The following MSRB2 variants were observed in gnomAD, a reference collection of about 807,000 sequenced individuals.
MSRB2 encodes methionine sulfoxide reductase B2.
Under a neutral mutation model 19.0 loss-of-function variants are expected in MSRB2, and 17 were observed. The observed-to-expected ratio is 0.89, with a 90% CI of 0.61 to 1.34. MSRB2 has a LOEUF of 1.34. Ranked by LOEUF, MSRB2 falls within the 40% of genes most tolerant of loss-of-function variation. The pLI is 0.00. For synonymous variants in MSRB2, 107 were observed against 99.7 expected (o/e 1.07, Z -0.44); for missense variants, 208 against 237.6 (o/e 0.88, Z 0.82).
At chr10:23,117,577 C>A (rs1840125514) in intron 3 of MSRB2, among the ~76,000 whole-genome samples, 1 of 152,150 alleles carries the variant, frequency 6.6e-6, no homozygotes, top group Admixed American at 6.5e-5. Context: ...CATCTCTACT[C>A]TGAAAATTCG....
rs78405793 is a variant in MSRB2, at chr10:23,103,281, G to A, written c.119-863G>A. 3.1e-3 allele frequency among the ~76,000 whole-genome samples: 473 copies of A among 152,188 alleles called. 10 individuals carry two copies. In the East Asian group the frequency reaches 0.057, roughly 18 times the overall value. On this transcript the variant is annotated intron_variant, in intron 1 of 4. Transcript: ENST00000376510. ...TTTGATATATAGGTGCTGGCATCAC[G>A]GGCATTCAACGTTTCATCTTCAGTG...
At chr10:23,120,312 C>T (rs1840167580) in intron 4 of MSRB2, among the ~76,000 whole-genome samples, 1 of 152,180 alleles carries the variant, frequency 6.6e-6, no homozygotes, top group South Asian at 2.1e-4. Context: ...TTTTCTGACT[C>T]ATGGGTTTTG....
At chr10:23,119,578 G>T in intron 4 of MSRB2, 127 bp downstream of exon 4, 4 of 1,162,716 alleles carry the variant, frequency 3.4e-6, no homozygotes, top group African/African-American at 1.5e-5. Flanking sequence ...AACACATGGG[G>T]TTTCTTTTTT....
chr10:23,119,103 C>G lies in MSRB2; in HGVS notation c.297-201C>G, dbSNP rs148280007. Reference sequence around the variant, plus strand: ...GCATCAAAGGATCAAGAAGTCCTTCCACTTCGAGAGGCAATGGCTTCGATA... The same window carrying G: ...GCATCAAAGGATCAAGAAGTCCTTCGACTTCGAGAGGCAATGGCTTCGATA... On this transcript the variant is annotated intron_variant, in intron 3 of 4. Coordinates refer to ENST00000376510, the MANE Select transcript of MSRB2 (RefSeq NM_012228.4). The G allele has an allele frequency of 2.3e-5, 16 of 691,556 alleles. No homozygotes were observed. The African/African-American group carries it at 2.8e-4, about 12-fold the overall frequency. The allele number at this position is 691,556 out of a possible 1,614,324, so 42.8% of individuals were successfully genotyped here.
At chr10:23,112,883 C>T (rs1024166979) in intron 3 of MSRB2, among the ~76,000 whole-genome samples, 3 of 152,146 alleles carry the variant, frequency 2.0e-5, no homozygotes, top group South Asian at 4.1e-4. Context: ...CGCACCCGGG[C>T]GTAATGATGT....
At chr10:23,119,599 G>A (rs999709209) in intron 4 of MSRB2, 148 bp downstream of exon 4, 51 of 888,136 alleles carry the variant, frequency 5.7e-5, no homozygotes, top group Non-Finnish European at 7.6e-5. Context: ...GTTTTGCTTT[G>A]TTTTGTTTTG....
At chr10:23,105,983 T>G (rs1036816913) in intron 2 of MSRB2, among the ~76,000 whole-genome samples, 1 of 152,192 alleles carries the variant, frequency 6.6e-6, no homozygotes, top group African/African-American at 2.4e-5. Flanking sequence ...TGTGAGCAGT[T>G]GTATGTATTC....
intron 3 of MSRB2, chr10:23,119,094 A>G: frequency 1.5e-6 from 1 of 677,670 alleles, no homozygotes; most frequent in Non-Finnish European, 2.7e-6. Context: ...AAGGATCAAG[A>G]AGTCCTTCCA....
chr10:23,101,115 G>C (rs1264072451), intron 1 of MSRB2, among the ~76,000 whole-genome samples: 3 of 152,192 alleles, frequency 2.0e-5, no homozygotes, highest in Non-Finnish European at 2.9e-5. Context: ...CACCCGAGCA[G>C]TGTACATGGT....
chr10:23,109,132 C>T (rs918900634), intron 2 of MSRB2, among the ~76,000 whole-genome samples: 3 of 152,174 alleles, frequency 2.0e-5, no homozygotes, highest in African/African-American at 4.8e-5. Flanking sequence ...TAGGAGGGGA[C>T]AGTGCCTGCC....
rs1840173610 is a variant in MSRB2, at chr10:23,120,805, T to C, written c.492T>C (p.Asn164=). The change falls in exon 5 of 5, where the codon AAT becomes AAC. Residue 164 remains asparagine (N), a synonymous_variant. Coordinates refer to ENST00000376510, the MANE Select transcript of MSRB2 (RefSeq NM_012228.4). ...GHVFPDGPGP[N]GQRFCINSVA... is the part of the protein sequence containing the mutation. Reference sequence around the variant, plus strand: ...TGTTTCCTGATGGACCTGGGCCCAATGGTCAGAGGTTTTGCATCAACAGTG... The same window carrying C: ...TGTTTCCTGATGGACCTGGGCCCAACGGTCAGAGGTTTTGCATCAACAGTG... 2 of 1,614,146 alleles carry C rather than the reference T, an allele frequency of 1.2e-6. No homozygotes were observed. Among genetic ancestry groups the C allele is most frequent in the East Asian group, 2.2e-5 (1 of 44,880 alleles).
chr10:23,118,660 T>A (rs1249685520), intron 3 of MSRB2, among the ~76,000 whole-genome samples: 2 of 152,208 alleles, frequency 1.3e-5, no homozygotes, highest in Non-Finnish European at 2.9e-5. Flanking sequence ...GAACTTACCA[T>A]GTGCCCAGCA....
At position 23,121,863 on chromosome 10, in the gene MSRB2, T is replaced by A. The variant is rs1457040055; in HGVS notation, c.*1001T>A. On this transcript the variant is annotated 3_prime_UTR_variant, in exon 5 of 5. Coordinates refer to ENST00000376510, the MANE Select transcript of MSRB2 (RefSeq NM_012228.4). ...TTTTTTTTCAAAATTTTAAATGTCT[T>A]GAGCATGCTACTTCCAACCATTCTA... The A allele has an allele frequency of 6.6e-6, 1 of 152,184 alleles. No homozygotes were observed. The highest frequency in any genetic ancestry group is 1.5e-5 in the Non-Finnish European group (1 of 68,032). The allele number at this position is 152,184 out of a possible 1,614,324, so 9.4% of individuals were successfully genotyped here.
In MSRB2 at chr10:23,095,605, C is replaced by T. The variant is rs1230354920; in HGVS notation, c.-4C>T. On this transcript the variant is annotated 5_prime_UTR_variant, in exon 1 of 5. Transcript: ENST00000376510. ...GAGGGCGGAGCGGCGCCGGAGCGGGCGTCATGGCGCGGCTCCTCTGGTTGC... is the reference window on the plus strand; with the variant it reads ...GAGGGCGGAGCGGCGCCGGAGCGGGTGTCATGGCGCGGCTCCTCTGGTTGC... The T allele has an allele frequency of 3.9e-5, 57 of 1,475,122 alleles. No homozygotes were observed. Among genetic ancestry groups the T allele is most frequent in the Non-Finnish European group, 4.7e-5 (53 of 1,118,698 alleles). 91.4% of individuals were successfully genotyped at this position (1,475,122 alleles called of 1,614,324 possible).
rs758888073 is a variant in MSRB2, at chr10:23,117,963, C to CT, written c.297-1339dup. On this transcript the variant is annotated intron_variant, in intron 3 of 4. Coordinates refer to ENST00000376510, the MANE Select transcript of MSRB2 (RefSeq NM_012228.4). ...ACTGGAGTATTGCAGATTAAGGATG[C>CT]TTAGCCATCAAGTAAAATGCAAAAT... is the stretch of plus-strand genomic sequence containing the variant. Among the ~76,000 whole-genome samples, 11 of 152,282 alleles carry CT rather than the reference C, an allele frequency of 7.2e-5. 1 individual carries two copies. In the South Asian group the frequency reaches 1.0e-3, roughly 14 times the overall value.
intron 1 of MSRB2, among the ~76,000 whole-genome samples, chr10:23,096,439 G>A (rs775302012): frequency 3.3e-5 from 5 of 151,720 alleles, no homozygotes; most frequent in Non-Finnish European, 7.4e-5. Context: ...AAGCAGGAAG[G>A]AGTCACCTCG....
chr10:23,120,609 C>T, intron 4 of MSRB2, 149 bp from the exon 5 acceptor site: 2 of 544,688 alleles, frequency 3.7e-6, no homozygotes, highest in Admixed American at 3.5e-5. Context: ...TCTTTCATTT[C>T]TTAATTGAAT....
chr10:23,096,626 G>T (rs1839872942), intron 1 of MSRB2, among the ~76,000 whole-genome samples: 1 of 152,158 alleles, frequency 6.6e-6, no homozygotes, highest in Non-Finnish European at 1.5e-5. Flanking sequence ...CTCATTCTGA[G>T]CTCTTTTTAG....
chr10:23,111,165 G>A (rs776080341), intron 3 of MSRB2, among the ~76,000 whole-genome samples: 34 of 152,218 alleles, frequency 2.2e-4, no homozygotes, highest in African/African-American at 6.5e-4. Flanking sequence ...AGCCGGACCC[G>A]CCTGCAAGGA....
Sources: gnomAD v4.1 joint callset for allele counts (sites outside exome capture counted in the v4.1 genomes callset) on GRCh38, gnomAD v4.1.1 for gene constraint, MANE v1.5 for transcripts, NCBI Gene and HGNC (gene_info 2026-07-23, HGNC 2026-07-21) for gene names.